Variants in TDG observed in about 807,000 individuals in gnomAD.
The protein encoded by TDG is G/T mismatch-specific thymine DNA glycosylase.
A neutral mutation model predicts 46.1 loss-of-function variants in TDG; 23 were observed. The observed-to-expected ratio is 0.50, with a 90% CI of 0.36 to 0.71. The LOEUF is 0.71. TDG is among the 30% of genes least tolerant of loss of function. The pLI, the probability that TDG is intolerant of heterozygous loss-of-function variation, is 0.00. For missense variants in TDG, 304 were observed against 486.7 expected, an observed-to-expected ratio of 0.62 and a Z score of 3.53; for synonymous variants, 115 against 161.3, an observed-to-expected ratio of 0.71 and a Z score of 2.18.
chr12:103,976,787 C>A, intron 1 of TDG, 131 bp from the exon 2 acceptor site: 2 of 1,100,110 alleles, frequency 1.8e-6, no homozygotes, highest in Non-Finnish European at 2.6e-6. Context: ...CTCTGTAATC[C>A]ACTCTAAATA....
intron 8 of TDG, among the ~76,000 whole-genome samples, chr12:103,985,208 C>CACAT (rs969365828): frequency 1.4e-5 from 2 of 147,884 alleles, no homozygotes; most frequent in African/African-American, 5.1e-5. Context: ...CACACACACA[C>CACAT]ATTACAGAAA....
intron 1 of TDG, among the ~76,000 whole-genome samples, chr12:103,967,282 A>G (rs1483637907): frequency 7.2e-5 from 11 of 152,168 alleles, no homozygotes; most frequent in Non-Finnish European, 1.6e-4. Context: ...AAAAGGCTAT[A>G]GACCAGATTT....
intron 1 of TDG, among the ~76,000 whole-genome samples, chr12:103,969,840 T>G (rs1871216677): frequency 6.6e-6 from 1 of 152,218 alleles, no homozygotes; most frequent in Non-Finnish European, 1.5e-5. Flanking sequence ...TTCGGGCTGA[T>G]GAGGCTTTAT....
chr12:103,974,981 AAAAAAAAAAAAAG>A (rs1455477143), intron 1 of TDG, among the ~76,000 whole-genome samples: 11 of 148,268 alleles, frequency 7.4e-5, no homozygotes, highest in Non-Finnish European at 1.3e-4. Flanking sequence ...TCTCAAAAAA[AAAAAAAAAAAAAG>A]AAAAAGAAAA....
At chr12:103,971,619 T>C (rs955960493) in intron 1 of TDG, among the ~76,000 whole-genome samples, 4 of 151,812 alleles carry the variant, frequency 2.6e-5, no homozygotes, top group African/African-American at 9.7e-5. Flanking sequence ...CAACAGAAGG[T>C]AAGTGCAAAT....
intron 2 of TDG, 45 bp from the exon 3 acceptor site, chr12:103,979,786 C>A: frequency 6.5e-7 from 1 of 1,529,432 alleles, no homozygotes; most frequent in South Asian, 1.4e-5. Context: ...GCTAAAGTTT[C>A]TAAGTTAAGA....
At chr12:103,977,129 TG>T (rs1167003749) in intron 2 of TDG, 69 bp downstream of exon 2, 1 of 1,554,324 alleles carries the variant, frequency 6.4e-7, no homozygotes, top group East Asian at 2.3e-5. Context: ...AAGGGTTTCA[TG>T]GTGAATTTTA....
At chr12:103,967,518 C>T (rs1156835413) in intron 1 of TDG, among the ~76,000 whole-genome samples, 3 of 142,458 alleles carry the variant, frequency 2.1e-5, no homozygotes, top group African/African-American at 2.6e-5. Flanking sequence ...AGTGCAGTGG[C>T]GGATCTTGGC....
chr12:103,982,978 T>C, intron 5 of TDG, 44 bp downstream of exon 5: 1 of 1,608,496 alleles, frequency 6.2e-7, no homozygotes, highest in Non-Finnish European at 8.5e-7. Flanking sequence ...ACCTTGAGTA[T>C]GCTGGTGCCC....
At chr12:103,972,581 A>G (rs757539889) in intron 1 of TDG, among the ~76,000 whole-genome samples, 6 of 152,208 alleles carry the variant, frequency 3.9e-5, no homozygotes, top group Non-Finnish European at 7.3e-5. Flanking sequence ...ATGCTCGAAG[A>G]TAGTGTATTC....
chr12:103,971,150 G>T (rs911403812), intron 1 of TDG, among the ~76,000 whole-genome samples: 1 of 152,158 alleles, frequency 6.6e-6, no homozygotes, highest in Non-Finnish European at 1.5e-5. Context: ...TCTGTGAGGG[G>T]TTCTACAACC....
At position 103,983,236 on chromosome 12, in the gene TDG, ATT is replaced by A; in HGVS notation, c.697+27_697+28del. Reference sequence around the variant, plus strand: ...TGGAAAATGTAAGATTTACTTTTAAATTTTTTTTTTCTTTGCTAACATTATGG... The same window carrying A: ...TGGAAAATGTAAGATTTACTTTTAAATTTTTTTTCTTTGCTAACATTATGG... On this transcript the variant is annotated intron_variant, in intron 6 of 9. Coordinates refer to ENST00000392872, the MANE Select transcript of TDG (RefSeq NM_003211.6). 1 of 1,528,354 alleles carries A rather than the reference ATT, an allele frequency of 6.5e-7. No individual in the cohort carries two copies. Among genetic ancestry groups the A allele is most frequent in the Non-Finnish European group, 8.8e-7 (1 of 1,132,422 alleles). 94.7% of individuals were successfully genotyped at this position (1,528,354 alleles called of 1,614,324 possible). A position where few individuals can be genotyped will look rare whatever the true frequency, so the allele number is the denominator to read the frequency against.
At chr12:103,986,548 AT>A (rs926838278) in intron 9 of TDG, 2 of 27,484 alleles carry the variant, frequency 7.3e-5, no homozygotes, top group African/African-American at 2.6e-4. Context: ...ATATACAAAA[AT>A]TAGCATGGTG....
rs1383536490 is a variant in TDG at position 103,979,979 on chromosome 12, A to C, written c.315A>C (p.Lys105Asn). 1.9e-6 allele frequency: 3 copies of C among 1,613,182 alleles called. No homozygotes were observed. The highest frequency in any genetic ancestry group is 2.2e-5 in the South Asian group (2 of 90,932). ...QEKITDTFKV[K>N]RKVDRFNGVS... is the part of the protein sequence containing the mutation. The stretch of plus-strand genomic sequence containing the variant: ...AAATTACAGACACATTTAAAGTAAA[A>C]AGAAAAGTAGACCGTTTTAATGGTG... Residue 105 changes from lysine (K) to asparagine (N), a missense_variant, in exon 3 of 10, where the codon AAA becomes AAC. Transcript: ENST00000392872.
At chr12:103,982,448 T>C (rs1871887701) in intron 4 of TDG, among the ~76,000 whole-genome samples, 1 of 152,138 alleles carries the variant, frequency 6.6e-6, no homozygotes, top group African/African-American at 2.4e-5. Context: ...GAAAAGGAGA[T>C]AATAATAGTA....
intron 1 of TDG, among the ~76,000 whole-genome samples, chr12:103,975,058 T>G (rs1316245060): frequency 6.6e-6 from 1 of 152,124 alleles, no homozygotes; most frequent in Non-Finnish European, 1.5e-5. Context: ...CATTTTATTT[T>G]CTACTGTTTT....
chr12:103,977,566 A>T (rs1174382362), intron 2 of TDG, among the ~76,000 whole-genome samples: 2 of 152,214 alleles, frequency 1.3e-5, no homozygotes, highest in Non-Finnish European at 2.9e-5. Flanking sequence ...GGAGTCTGGG[A>T]TATAACAAGG....
rs186840300 is a variant in TDG, at chr12:103,977,887, A to G, written c.166+827A>G. On this transcript the variant is annotated intron_variant, in intron 2 of 9. Coordinates refer to ENST00000392872, the MANE Select transcript of TDG (RefSeq NM_003211.6). The stretch of plus-strand genomic sequence containing the variant: ...ATGACCAGCCTGGCGAACATGGCAA[A>G]ACCCTGCCTCACACAAATTAGCCGG... 9.0e-4 allele frequency among the ~76,000 whole-genome samples: 137 copies of G among 152,032 alleles called. No homozygotes were observed. The East Asian group carries it at 0.024, about 27-fold the overall frequency.
chr12:103,966,156 C>A, intron 1 of TDG, 96 bp downstream of exon 1: 1 of 1,358,814 alleles, frequency 7.4e-7, no homozygotes, highest in South Asian at 1.6e-5. Context: ...TTTTAAATCC[C>A]GGCCGGAATA....
Sources: allele counts gnomAD v4.1 joint callset (sites outside exome capture counted in the v4.1 genomes callset), GRCh38; gene constraint gnomAD v4.1.1; transcripts MANE v1.5; gene names NCBI Gene and HGNC (gene_info 2026-07-23, HGNC 2026-07-21).